Variants in PMM2 observed in about 807,000 individuals in gnomAD.
PMM2 encodes the protein mannose-6-phosphate isomerase.
In PMM2, 35 loss-of-function variants were observed where a neutral mutation model predicts 33.2. The observed-to-expected ratio is 1.06, with a 90% CI of 0.81 to 1.40. PMM2 has a LOEUF of 1.40. Ranked by LOEUF, PMM2 falls within the 40% of genes most tolerant of loss-of-function variation. The probability of loss-of-function intolerance (pLI) is 0.00; values close to 1 mark genes in which losing one functional copy is unlikely to be tolerated. For missense variants in PMM2, 386 were observed against 306.0 expected, an observed-to-expected ratio of 1.26 and a Z score of -1.95; for synonymous variants, 153 against 114.7, an observed-to-expected ratio of 1.33 and a Z score of -2.13.
chr16:8,804,180 A>C (rs1336604554), intron 2 of PMM2, among the ~76,000 whole-genome samples: 1 of 151,036 alleles, frequency 6.6e-6, no homozygotes, highest in Non-Finnish European at 1.5e-5. Context: ...CTGGGGTTAC[A>C]GGCGCACACC....
At position 8,847,735 on chromosome 16, in the gene PMM2, C is replaced by A. The variant is rs752614554; in HGVS notation, c.651C>A (p.Asp217Glu). The A allele has an allele frequency of 1.2e-6, 2 of 1,613,090 alleles. No individual in the cohort carries two copies. The highest frequency in any genetic ancestry group is 1.7e-6 in the Non-Finnish European group (2 of 1,179,116). ...TCGTGTCTTTCCAGGGTGGCAATGA[C>A]CATGAGATCTTCACAGACCCCAGAA... ...FGDKTMPGGN[D>E]HEIFTDPRTM... The change falls in exon 8 of 8, where the codon GAC becomes GAA. Residue 217 changes from aspartate to glutamate, a missense_variant. Transcript: ENST00000268261.
At chr16:8,815,220 T>TTC (rs1555449973) in intron 7 of PMM2, among the ~76,000 whole-genome samples, 1 of 141,970 alleles carries the variant, frequency 7.0e-6, no homozygotes, top group Non-Finnish European at 1.5e-5. Flanking sequence ...TTTTCTTTCT[T>TTC]TTTTTTTTTT....
At chr16:8,845,786 G>A (rs975419416) in intron 7 of PMM2, among the ~76,000 whole-genome samples, 1 of 138,214 alleles carries the variant, frequency 7.2e-6, no homozygotes, top group African/African-American at 2.7e-5. Context: ...TGCCATTCCT[G>A]AAAGAAATCT....
chr16:8,813,141 G>C (rs762607433), intron 7 of PMM2, 35 bp downstream of exon 7: 2 of 1,296,850 alleles, frequency 1.5e-6, no homozygotes, highest in East Asian at 4.6e-5. Flanking sequence ...CTTCATTGTT[G>C]CATTTGCGCT....
Position 8,811,129 on chromosome 16 carries a change from GA to G in PMM2, c.400del (p.Arg134GlufsTer20). ...RNGMLNVSPIGRSCSQEERIE... is the reference protein window; with the variant it reads ...RNGMLNVSPIXRSCSQEERIE... ...GGGATGTTAAACGTGTCCCCTATTG[GA>G]AGAAGCTGCAGCCAAGAAGAACGCA... is the stretch of plus-strand genomic sequence containing the variant. On this transcript the variant is annotated frameshift_variant, in exon 5 of 8. Transcript: ENST00000268261. LOFTEE classifies it high-confidence loss of function. The G allele has an allele frequency of 6.3e-7, 1 of 1,578,328 alleles. No individual in the cohort carries two copies. The highest frequency in any genetic ancestry group is 8.6e-7 in the Non-Finnish European group (1 of 1,158,138).
intron 4 of PMM2, chr16:8,808,645 G>A (rs1042290750): frequency 6.6e-6 from 1 of 152,228 alleles, no homozygotes; most frequent in Non-Finnish European, 1.5e-5. Flanking sequence ...CTTGTTTTGG[G>A]GAAGGCTTTC....
In PMM2 at chr16:8,847,755, C is replaced by T; in HGVS notation, c.671C>T (p.Pro224Leu). The T allele has an allele frequency of 6.2e-7, 1 of 1,614,008 alleles. No individual in the cohort carries two copies. Among genetic ancestry groups the T allele is most frequent in the Non-Finnish European group, 8.5e-7 (1 of 1,179,920 alleles). Residue 224 changes from proline to leucine, a missense_variant, in exon 8 of 8, where the codon CCC becomes CTC. Transcript: ENST00000268261. ...GGNDHEIFTD[P>L]RTMGYSVTAP... is the part of the protein sequence containing the mutation. The stretch of plus-strand genomic sequence containing the variant: ...AATGACCATGAGATCTTCACAGACC[C>T]CAGAACCATGGGCTACTCCGTGACA...
At chr16:8,805,133 C>G (rs1450749814) in intron 3 of PMM2, among the ~76,000 whole-genome samples, 4 of 152,348 alleles carry the variant, frequency 2.6e-5, no homozygotes, top group Non-Finnish European at 2.9e-5. Context: ...TCTCAGCTCA[C>G]TACAACCTCC....
rs1023949194 is a variant in PMM2 at position 8,806,552 on chromosome 16, C to T, written c.347+145C>T. The T allele has an allele frequency of 3.1e-5, 21 of 685,632 alleles. No homozygotes were observed. The Admixed American group carries it at 4.1e-4, about 13-fold the overall frequency. 42.5% of individuals were successfully genotyped at this position (685,632 alleles called of 1,614,324 possible). ...GTCTGATATTTAGCCCGCCCCTTGG[C>T]AATTCTGGTTCAGAAAGCCTGAGAG... is the stretch of plus-strand genomic sequence containing the variant. On this transcript the variant is annotated intron_variant, in intron 4 of 7. Transcript: ENST00000268261.
chr16:8,813,857 C>CTTTTTTTTT (rs148507269), intron 7 of PMM2, among the ~76,000 whole-genome samples: 6 of 89,138 alleles, frequency 6.7e-5, no homozygotes, highest in Non-Finnish European at 1.1e-4. Flanking sequence ...TTTTCTTTCT[C>CTTTTTTTTT]TTTTTTTTTT....
intron 7 of PMM2, among the ~76,000 whole-genome samples, chr16:8,831,180 C>CTTTT (rs2060807584): frequency 6.6e-6 from 1 of 152,198 alleles, no homozygotes; most frequent in Admixed American, 6.5e-5. Context: ...CTGAATTCCT[C>CTTTT]CCAAGGTTAG....
At chr16:8,835,584 G>A (rs969150480) in intron 7 of PMM2, among the ~76,000 whole-genome samples, 2 of 151,704 alleles carry the variant, frequency 1.3e-5, no homozygotes, top group African/African-American at 4.9e-5. Flanking sequence ...TTGGCACCAC[G>A]GGGTGGATAG....
chr16:8,818,178 A>G (rs904622390), intron 7 of PMM2, among the ~76,000 whole-genome samples: 3 of 152,052 alleles, frequency 2.0e-5, no homozygotes, highest in African/African-American at 7.2e-5. Context: ...CTGGGATTAC[A>G]GGCGTGAGCC....
At position 8,847,318 on chromosome 16, in the gene PMM2, C is replaced by T. The variant is rs781770616; in HGVS notation, c.640-406C>T. ...CAGGAATATCCCTGGCAGCCCTGCT[C>T]CCGGCCCTCTGCCCTCCTGACGCTC... On this transcript the variant is annotated intron_variant, in intron 7 of 7. Transcript: ENST00000268261. Among the ~76,000 whole-genome samples, 99 of 151,762 alleles carry T rather than the reference C, an allele frequency of 6.5e-4. 1 individual carries two copies. Among genetic ancestry groups the T allele is most frequent in the Non-Finnish European group, 1.3e-3 (89 of 67,990 alleles).
intron 7 of PMM2, among the ~76,000 whole-genome samples, chr16:8,847,416 C>G (rs562535431): frequency 8.0e-5 from 12 of 149,408 alleles, no homozygotes; most frequent in Non-Finnish European, 1.8e-4. Context: ...AGAATACTGT[C>G]ACTCGCTGAT....
At chr16:8,844,136 C>T (rs1033380178) in intron 7 of PMM2, among the ~76,000 whole-genome samples, 18 of 152,166 alleles carry the variant, frequency 1.2e-4, no homozygotes, top group Admixed American at 6.5e-5. Context: ...TTTGGAACTA[C>T]TGTCGAGTTT....
In PMM2 at chr16:8,827,848, A is replaced by ATATATGTTATATATT. The variant is rs1289299089; in HGVS notation, c.639+14742_639+14743insTATATGTTATATATT. ...ATATTATATATATTGTATAATATAT[A>ATATATGTTATATATT]ATATATATGTTATATATTATATATA... On this transcript the variant is annotated intron_variant, in intron 7 of 7. Coordinates refer to ENST00000268261, the MANE Select transcript of PMM2 (RefSeq NM_000303.3). Among the ~76,000 whole-genome samples, 268 of 69,898 alleles carry ATATATGTTATATATT rather than the reference A, an allele frequency of 3.8e-3. 2 individuals carry two copies. Among genetic ancestry groups the ATATATGTTATATATT allele is most frequent in the African/African-American group, 0.013 (259 of 20,052 alleles). The allele number at this position is 69,898 out of a possible 152,430, so 45.9% of individuals were successfully genotyped here.
chr16:8,846,329 G>A (rs1474416032), intron 7 of PMM2, among the ~76,000 whole-genome samples: 2 of 152,144 alleles, frequency 1.3e-5, no homozygotes, highest in Non-Finnish European at 2.9e-5. Flanking sequence ...TTCATGCTCG[G>A]TGCTTTATGA....
chr16:8,840,766 C>T (rs1319689498), intron 7 of PMM2, among the ~76,000 whole-genome samples: 1 of 151,914 alleles, frequency 6.6e-6, no homozygotes, highest in Non-Finnish European at 1.5e-5. Context: ...AGTCGGGGTA[C>T]TATAGATGAC....
Sources: gnomAD v4.1 joint callset for allele counts (sites outside exome capture counted in the v4.1 genomes callset) on GRCh38, gnomAD v4.1.1 for gene constraint, MANE v1.5 for transcripts, NCBI Gene and HGNC (gene_info 2026-07-23, HGNC 2026-07-21) for gene names.